CADM2: variants seen among roughly 807,000 people sequenced by gnomAD.
CADM2 encodes the protein cell adhesion molecule 2, also known as immunoglobulin superfamily member 4D.
In CADM2, 12 loss-of-function variants were observed where a neutral mutation model predicts 49.8. The ratio of observed to expected loss-of-function variants is 0.24; its 90% CI spans 0.15 to 0.39. The LOEUF (loss-of-function observed/expected upper bound fraction) is 0.39, where lower values mean the gene tolerates loss of function less well. CADM2 is among the 10% of genes least tolerant of loss of function. The pLI is 1.00. For synonymous variants in CADM2, 214 were observed against 175.4 expected, an observed-to-expected ratio of 1.22 and a Z score of -1.74; for missense variants, 378 against 492.3, an observed-to-expected ratio of 0.77 and a Z score of 2.20.
intron 8 of CADM2, among the ~76,000 whole-genome samples, chr3:85,989,040 G>A (rs1390444061): frequency 6.6e-6 from 1 of 152,146 alleles, no homozygotes; most frequent in Non-Finnish European, 1.5e-5. Context: ...ACTGGGTAAA[G>A]TACAATGCTC....
At chr3:85,062,011 TTCTGTCTCTCTGTC>T (rs1180667234) in intron 1 of CADM2, among the ~76,000 whole-genome samples, 9 of 151,278 alleles carry the variant, frequency 5.9e-5, no homozygotes, top group East Asian at 1.9e-4. Context: ...CATACACACA[TTCTGTCTCTCTGTC>T]TCTGTCTCTC....
At chr3:85,069,800 T>C (rs111686305) in intron 1 of CADM2, among the ~76,000 whole-genome samples, 1 of 152,168 alleles carries the variant, frequency 6.6e-6, no homozygotes, top group Admixed American at 6.5e-5. Flanking sequence ...CTAGACGTCA[T>C]ACAAATATTA....
chr3:85,059,786 C>T (rs1291727008), intron 1 of CADM2, among the ~76,000 whole-genome samples: 2 of 152,160 alleles, frequency 1.3e-5, no homozygotes, highest in Admixed American at 1.3e-4. Context: ...GTCTCCCCAG[C>T]CATGTGGAAC....
chr3:85,123,122 C>A (rs540844812), intron 1 of CADM2, among the ~76,000 whole-genome samples: 1 of 151,976 alleles, frequency 6.6e-6, no homozygotes, highest in African/African-American at 2.4e-5. Context: ...TTTTCCCATG[C>A]TGTTTTTCCT....
At chr3:85,493,627 G>C (rs2039767402) in intron 1 of CADM2, among the ~76,000 whole-genome samples, 1 of 152,034 alleles carries the variant, frequency 6.6e-6, no homozygotes, top group Non-Finnish European at 1.5e-5. Flanking sequence ...TATTCTACTA[G>C]AGTCCTAACA....
intron 1 of CADM2, among the ~76,000 whole-genome samples, chr3:85,642,351 T>C (rs1273133251): frequency 1.3e-5 from 2 of 152,082 alleles, no homozygotes; most frequent in Non-Finnish European, 2.9e-5. Context: ...AAAAGTATTA[T>C]ATAGAGAAAA....
At chr3:85,597,342 G>A (rs2063273646) in intron 1 of CADM2, among the ~76,000 whole-genome samples, 1 of 152,042 alleles carries the variant, frequency 6.6e-6, no homozygotes, top group Non-Finnish European at 1.5e-5. Flanking sequence ...AATAATGCAA[G>A]ATAACTGCCT....
At chr3:85,976,860 T>G (rs1333488112) in intron 8 of CADM2, among the ~76,000 whole-genome samples, 7 of 151,574 alleles carry the variant, frequency 4.6e-5, no homozygotes, top group Non-Finnish European at 7.4e-5. Context: ...TTTTAAAAGA[T>G]TCTAAGGATG....
At chr3:86,056,026 T>A (rs1178746353) in intron 8 of CADM2, among the ~76,000 whole-genome samples, 1 of 152,180 alleles carries the variant, frequency 6.6e-6, no homozygotes, top group Non-Finnish European at 1.5e-5. Context: ...AATGGCCCCA[T>A]GGTAATCCAT....
chr3:86,021,877 A>G (rs1325643255), intron 8 of CADM2, among the ~76,000 whole-genome samples: 1 of 152,172 alleles, frequency 6.6e-6, no homozygotes, highest in African/African-American at 2.4e-5. Context: ...TAGCAGATAT[A>G]CAGGAAGAGC....
chr3:85,170,770 C>G (rs1379565549), intron 1 of CADM2, among the ~76,000 whole-genome samples: 2 of 152,214 alleles, frequency 1.3e-5, no homozygotes, highest in Non-Finnish European at 2.9e-5. Flanking sequence ...ATACTTGGCT[C>G]AGACAGCTCT....
chr3:85,838,450 T>C (rs1473730631), intron 3 of CADM2, among the ~76,000 whole-genome samples: 7 of 151,780 alleles, frequency 4.6e-5, no homozygotes, highest in Non-Finnish European at 7.4e-5. Flanking sequence ...TTGGAAGCTG[T>C]TGTGAAGAGT....
intron 3 of CADM2, among the ~76,000 whole-genome samples, chr3:85,816,213 C>CTT (rs891167702): frequency 7.0e-6 from 1 of 142,214 alleles, no homozygotes; most frequent in Non-Finnish European, 1.5e-5. Context: ...GGAAATGGAG[C>CTT]TTTTTTTTTT....
intron 2 of CADM2, among the ~76,000 whole-genome samples, chr3:85,777,429 T>C (rs1162246154): frequency 6.6e-6 from 1 of 151,882 alleles, no homozygotes; most frequent in Non-Finnish European, 1.5e-5. Flanking sequence ...CTAATTTTTT[T>C]GTTTTAGTAG....
chr3:85,461,668 C>T (rs1177042463), intron 1 of CADM2, among the ~76,000 whole-genome samples: 1 of 151,364 alleles, frequency 6.6e-6, no homozygotes, highest in African/African-American at 2.4e-5. Context: ...TTATGATAAC[C>T]TTTCATTTTT....
chr3:85,990,254 A>G (rs934603747), intron 8 of CADM2, among the ~76,000 whole-genome samples: 3 of 152,082 alleles, frequency 2.0e-5, no homozygotes, highest in Non-Finnish European at 4.4e-5. Context: ...TCAGTATTCA[A>G]TAAATTGCAT....
At chr3:85,149,895 C>T (rs370600381) in intron 1 of CADM2, among the ~76,000 whole-genome samples, 16 of 152,274 alleles carry the variant, frequency 1.1e-4, no homozygotes, top group African/African-American at 3.1e-4. Flanking sequence ...CCTAGAATCA[C>T]AATTCTCTCA....
chr3:85,945,025 C>T lies in CADM2; in HGVS notation c.791+9168C>T, dbSNP rs1002345496. Reference sequence around the variant, plus strand: ...CAAGAGATCAACAAAATAAATAGACCGCTAGCAAGACTAATAAAGAAGAAA... The same window carrying T: ...CAAGAGATCAACAAAATAAATAGACTGCTAGCAAGACTAATAAAGAAGAAA... On this transcript the variant is annotated intron_variant, in intron 7 of 9. Transcript: ENST00000383699. Among the ~76,000 whole-genome samples the T allele has an allele frequency of 7.3e-5, 11 of 151,706 alleles. No homozygotes were observed. In the East Asian group the frequency reaches 9.7e-4, roughly 13 times the overall value.
At chr3:85,145,042 G>A (rs1040226415) in intron 1 of CADM2, among the ~76,000 whole-genome samples, 1 of 152,092 alleles carries the variant, frequency 6.6e-6, no homozygotes, top group Non-Finnish European at 1.5e-5. Context: ...CATTGAAAAT[G>A]GGCCACTGGA....
Sources: allele counts gnomAD v4.1 joint callset (sites outside exome capture counted in the v4.1 genomes callset), GRCh38; gene constraint gnomAD v4.1.1; transcripts MANE v1.5; gene names NCBI Gene and HGNC (gene_info 2026-07-23, HGNC 2026-07-21).